The following HDAC9 variants were observed in gnomAD, a reference collection of about 807,000 sequenced individuals.
HDAC9 encodes MEF-2 interacting transcription repressor (MITR) protein.
Under a neutral mutation model 139.4 loss-of-function variants are expected in HDAC9, and 41 were observed. The ratio of observed to expected loss-of-function variants is 0.29; its 90% CI spans 0.23 to 0.38. The LOEUF (loss-of-function observed/expected upper bound fraction) is 0.38. Among genes scored for constraint, HDAC9 ranks in the 10% least tolerant of loss-of-function variants. HDAC9 has a pLI of 1.00. For missense variants in HDAC9, 1,147 were observed against 1,297.0 expected, an observed-to-expected ratio of 0.88 and a Z score of 1.78; for synonymous variants, 517 against 476.2, an observed-to-expected ratio of 1.09 and a Z score of -1.12.
At chr7:18,943,041 G>C (rs1342836766) in intron 23 of HDAC9, among the ~76,000 whole-genome samples, 2 of 151,994 alleles carry the variant, frequency 1.3e-5, no homozygotes, top group Non-Finnish European at 2.9e-5. Context: ...GGCACACAAA[G>C]TGAAACAGGA....
chr7:18,469,520 C>T (rs967948622), intron 1 of HDAC9, among the ~76,000 whole-genome samples: 12 of 152,018 alleles, frequency 7.9e-5, no homozygotes, highest in Admixed American at 3.3e-4. Flanking sequence ...TAACAGGGAG[C>T]TTAACAGAGC....
intron 1 of HDAC9, among the ~76,000 whole-genome samples, chr7:18,388,618 T>G (rs1786168649): frequency 6.6e-6 from 1 of 152,174 alleles, no homozygotes; most frequent in South Asian, 2.1e-4. Flanking sequence ...TGAAAAGTTG[T>G]TCTAAATGTA....
rs1439915963 is a variant in HDAC9 at position 18,117,441 on chromosome 7, G to A, written c.-97+30228G>A. Among the ~76,000 whole-genome samples, 21 of 151,198 alleles carry A rather than the reference G, an allele frequency of 1.4e-4. 1 individual carries two copies. The highest frequency in any genetic ancestry group is 1.0e-3 in the South Asian group (5 of 4,778). On this transcript the variant is annotated intron_variant, in intron 1 of 12. Transcript: ENST00000417496. ...GCGGAGCTTGCAGTGAGCCGAGATC[G>A]CGCCACTGCACTCCAGCCTGGGCAA... is the stretch of plus-strand genomic sequence containing the variant.
intron 11 of HDAC9, among the ~76,000 whole-genome samples, chr7:18,659,197 G>C (rs1292384733): frequency 6.6e-6 from 1 of 152,120 alleles, no homozygotes; most frequent in Non-Finnish European, 1.5e-5. Context: ...TAAAATTATA[G>C]AATTTAAGCA....
intron 12 of HDAC9, among the ~76,000 whole-genome samples, chr7:18,703,663 G>C (rs1318574693): frequency 6.6e-6 from 1 of 151,648 alleles, no homozygotes; most frequent in African/African-American, 2.4e-5. Flanking sequence ...AATTGGAAGA[G>C]TTAGAAAACA....
intron 17 of HDAC9, among the ~76,000 whole-genome samples, chr7:18,816,188 A>G (rs1794549902): frequency 6.6e-6 from 1 of 152,228 alleles, no homozygotes. Context: ...TTTATGTGTT[A>G]AGGCAAAACA....
At chr7:18,190,339 G>A (rs1790254316) in intron 2 of HDAC9, among the ~76,000 whole-genome samples, 2 of 152,278 alleles carry the variant, frequency 1.3e-5, no homozygotes, top group African/African-American at 4.8e-5. Flanking sequence ...ATAAATATGT[G>A]TATATGTGTA....
intron 2 of HDAC9, among the ~76,000 whole-genome samples, chr7:18,500,457 G>T (rs1425037084): frequency 6.6e-6 from 1 of 152,084 alleles, no homozygotes; most frequent in Non-Finnish European, 1.5e-5. Context: ...AACAGCCAAG[G>T]CAAAAATGGA....
intron 2 of HDAC9, among the ~76,000 whole-genome samples, chr7:18,526,718 T>C (rs1314337861): frequency 6.6e-6 from 1 of 152,144 alleles, no homozygotes; most frequent in Non-Finnish European, 1.5e-5. Context: ...GTACAAAGGA[T>C]CTATGGCTTA....
chr7:18,689,195 G>T (rs1281107222), intron 12 of HDAC9, among the ~76,000 whole-genome samples: 4 of 151,526 alleles, frequency 2.6e-5, no homozygotes, highest in Non-Finnish European at 5.9e-5. Flanking sequence ...ATTTGGATTT[G>T]GGGGAGCTTT....
chr7:18,174,045 C>T (rs1788676258), intron 2 of HDAC9, among the ~76,000 whole-genome samples: 1 of 152,148 alleles, frequency 6.6e-6, no homozygotes, highest in Admixed American at 6.5e-5. Context: ...AGAGTGTTTT[C>T]CAACTCATTT....
At chr7:18,657,097 A>G (rs1286016493) in intron 11 of HDAC9, among the ~76,000 whole-genome samples, 4 of 152,038 alleles carry the variant, frequency 2.6e-5, no homozygotes, top group African/African-American at 7.2e-5. Context: ...AGAAGTGTCC[A>G]TTCATCTTTT....
At chr7:18,878,102 T>G (rs1188682362) in intron 22 of HDAC9, among the ~76,000 whole-genome samples, 1 of 152,164 alleles carries the variant, frequency 6.6e-6, no homozygotes, top group Admixed American at 6.6e-5. Flanking sequence ...CTTAATCAGG[T>G]TGCCATGACA....
At chr7:18,272,036 G>T (rs1443077394) in intron 2 of HDAC9, among the ~76,000 whole-genome samples, 1 of 152,166 alleles carries the variant, frequency 6.6e-6, no homozygotes, top group African/African-American at 2.4e-5. Context: ...AACAGCCATT[G>T]AAAGCGCATT....
intron 22 of HDAC9, among the ~76,000 whole-genome samples, chr7:18,933,704 A>G (rs1198344657): frequency 6.6e-6 from 1 of 152,158 alleles, no homozygotes; most frequent in Non-Finnish European, 1.5e-5. Flanking sequence ...AACAGAGAGC[A>G]AACTAAACCA....
chr7:18,115,345 C>T (rs1033470924), intron 1 of HDAC9, among the ~76,000 whole-genome samples: 4 of 150,966 alleles, frequency 2.6e-5, no homozygotes, highest in Non-Finnish European at 5.9e-5. Context: ...TTCACATTTG[C>T]AAAAATATAA....
At chr7:18,356,358 G>GGTTT (rs778753255) in intron 1 of HDAC9, among the ~76,000 whole-genome samples, 1 of 55,140 alleles carries the variant, frequency 1.8e-5, no homozygotes, top group Non-Finnish European at 3.1e-5. Context: ...CAGCACATAG[G>GGTTT]TTTTTTTTTT....
chr7:18,358,804 G>T (rs1462572735), intron 1 of HDAC9, among the ~76,000 whole-genome samples: 2 of 152,138 alleles, frequency 1.3e-5, no homozygotes, highest in East Asian at 3.9e-4. Flanking sequence ...TTAGACACCT[G>T]TCCCCTCACT....
chr7:18,800,581 C>T (rs1388445424), intron 17 of HDAC9, among the ~76,000 whole-genome samples: 4 of 151,914 alleles, frequency 2.6e-5, no homozygotes, highest in Non-Finnish European at 5.9e-5. Flanking sequence ...GCCTGTAATC[C>T]CAGCACTTAA....
Sources: gnomAD v4.1 joint callset for allele counts (sites outside exome capture counted in the v4.1 genomes callset) on GRCh38, gnomAD v4.1.1 for gene constraint, MANE v1.5 for transcripts, NCBI Gene and HGNC (gene_info 2026-07-23, HGNC 2026-07-21) for gene names.